The following MYO1B variants were observed in gnomAD, a reference collection of about 807,000 sequenced individuals.
MYO1B encodes myosin IB, also known as unconventional myosin-Ib.
A neutral mutation model predicts 159.7 loss-of-function variants in MYO1B; 72 were observed. That is an observed-to-expected ratio of 0.45 (90% CI 0.37 to 0.55). MYO1B has a LOEUF of 0.55. Among genes scored for constraint, MYO1B ranks in the 20% least tolerant of loss-of-function variants. MYO1B has a pLI of 0.00. For synonymous variants in MYO1B, 468 were observed against 473.8 expected, an observed-to-expected ratio of 0.99 and a Z score of 0.16; for missense variants, 1,062 against 1,364.8, an observed-to-expected ratio of 0.78 and a Z score of 3.50.
chr2:191,393,253 TA>T, intron 20 of MYO1B, 31 bp downstream of exon 20: 1 of 1,607,124 alleles, frequency 6.2e-7, no homozygotes, highest in Non-Finnish European at 8.5e-7. Flanking sequence ...AAATCAGTAA[TA>T]ACAATGCTAA....
intron 3 of MYO1B, among the ~76,000 whole-genome samples, chr2:191,322,763 A>T (rs1420344633): frequency 2.6e-5 from 4 of 152,140 alleles, no homozygotes; most frequent in Non-Finnish European, 5.9e-5. Flanking sequence ...TTGTCCAATT[A>T]TGTGGGTGTT....
chr2:191,271,999 G>A (rs1291500749), intron 1 of MYO1B, among the ~76,000 whole-genome samples: 2 of 152,144 alleles, frequency 1.3e-5, no homozygotes, highest in African/African-American at 4.8e-5. Flanking sequence ...GATGCTATAG[G>A]TTGTTTATGC....
At chr2:191,248,977 G>A (rs1685955806) in intron 1 of MYO1B, among the ~76,000 whole-genome samples, 1 of 152,190 alleles carries the variant, frequency 6.6e-6, no homozygotes, top group Non-Finnish European at 1.5e-5. Flanking sequence ...AGAGCTGTAT[G>A]TTATGGCCTG....
chr2:191,264,147 C>T (rs1686983547), intron 1 of MYO1B, among the ~76,000 whole-genome samples: 1 of 152,172 alleles, frequency 6.6e-6, no homozygotes, highest in Non-Finnish European at 1.5e-5. Flanking sequence ...AAATAACCCA[C>T]TGCAGCAGTT....
At chr2:191,288,922 C>T (rs1190424521) in intron 2 of MYO1B, among the ~76,000 whole-genome samples, 1 of 152,226 alleles carries the variant, frequency 6.6e-6, no homozygotes. Flanking sequence ...CTTGGAGATG[C>T]AGACGACTCC....
chr2:191,254,322 C>T (rs1051598363), intron 1 of MYO1B, among the ~76,000 whole-genome samples: 1 of 152,108 alleles, frequency 6.6e-6, no homozygotes, highest in Non-Finnish European at 1.5e-5. Context: ...AAGCAATTCT[C>T]CTGCCTCAGC....
At position 191,376,999 on chromosome 2, in the gene MYO1B, C is replaced by T. The variant is rs1012984940; in HGVS notation, c.1186-4463C>T. 2.6e-5 allele frequency among the ~76,000 whole-genome samples: 4 copies of T among 152,116 alleles called. No individual in the cohort carries two copies. In the South Asian group the frequency reaches 6.2e-4, roughly 24 times the overall value. ...TTGTGAGTATAAAGTAGTTATGAAT[C>T]GACTGGGAATAAGATTTTCTGGGCT... On this transcript the variant is annotated intron_variant, in intron 13 of 30. Transcript: ENST00000392318.
chr2:191,305,067 A>G (rs1277507294), intron 3 of MYO1B, among the ~76,000 whole-genome samples: 1 of 152,246 alleles, frequency 6.6e-6, no homozygotes, highest in African/African-American at 2.4e-5. Flanking sequence ...GAGAAGCAGC[A>G]CTGAGGCCTT....
At chr2:191,297,523 A>G (rs532056252) in intron 3 of MYO1B, among the ~76,000 whole-genome samples, 1 of 152,348 alleles carries the variant, frequency 6.6e-6, no homozygotes, top group African/African-American at 2.4e-5. Flanking sequence ...TTTTCGCAGT[A>G]GCATCATCCT....
intron 5 of MYO1B, 73 bp from the exon 6 acceptor site, chr2:191,346,163 C>T (rs1402340176): frequency 8.9e-7 from 1 of 1,118,642 alleles, no homozygotes; most frequent in Non-Finnish European, 1.3e-6. Flanking sequence ...ATTTCAAATA[C>T]TGTATTTGCT....
intron 2 of MYO1B, among the ~76,000 whole-genome samples, chr2:191,289,339 G>T (rs927791664): frequency 1.3e-5 from 2 of 152,182 alleles, no homozygotes; most frequent in Non-Finnish European, 2.9e-5. Flanking sequence ...ACAGATTCTT[G>T]TCTCCTTGTC....
chr2:191,273,574 A>G (rs1056001267), intron 1 of MYO1B, among the ~76,000 whole-genome samples: 4 of 152,170 alleles, frequency 2.6e-5, no homozygotes, highest in African/African-American at 9.7e-5. Context: ...TTGTCCTGGT[A>G]TTTGAAGCCA....
chr2:191,392,402 A>C lies in MYO1B; in HGVS notation c.2076+201A>C, dbSNP rs1014341777. ...GAAGAATGCGTATTTTTTATGAACC[A>C]TCAAAGTCTTTGCTCTGACAGATTG... On this transcript the variant is annotated intron_variant, in intron 19 of 30. Transcript: ENST00000392318. Among the ~76,000 whole-genome samples, 34 of 152,208 alleles carry C rather than the reference A, an allele frequency of 2.2e-4. 1 individual carries two copies. Among genetic ancestry groups the C allele is most frequent in the Non-Finnish European group, 4.3e-4 (29 of 68,038 alleles).
chr2:191,346,468 G>A (rs900097515), intron 6 of MYO1B, among the ~76,000 whole-genome samples, 186 bp downstream of exon 6: 1 of 151,972 alleles, frequency 6.6e-6, no homozygotes, highest in African/African-American at 2.4e-5. Context: ...ATTCTTTTTG[G>A]AGTAACAAGC....
intron 3 of MYO1B, among the ~76,000 whole-genome samples, chr2:191,297,432 T>A (rs1689050123): frequency 6.6e-6 from 1 of 152,218 alleles, no homozygotes; most frequent in African/African-American, 2.4e-5. Context: ...GGGCTGGGAA[T>A]AACGTATGCA....
At chr2:191,387,692 G>A (rs1228188399) in intron 17 of MYO1B, 2 of 545,140 alleles carry the variant, frequency 3.7e-6, no homozygotes, top group East Asian at 3.1e-5. Flanking sequence ...GAAACTCAGT[G>A]GTTGAGACCT....
At chr2:191,403,025 G>C (rs1207650888) in intron 24 of MYO1B, among the ~76,000 whole-genome samples, 1 of 152,088 alleles carries the variant, frequency 6.6e-6, no homozygotes, top group Non-Finnish European at 1.5e-5. Context: ...TTTAAAATCT[G>C]TGAGACACAG....
At chr2:191,256,918 ATTCCTTGTGAATCCCCCT>A (rs1396775589) in intron 1 of MYO1B, among the ~76,000 whole-genome samples, 3 of 150,262 alleles carry the variant, frequency 2.0e-5, no homozygotes, top group Non-Finnish European at 3.0e-5. Flanking sequence ...AGATGGGGCT[ATTCCTTGTGAATCCCCCT>A]TTTCTGTGAA....
At chr2:191,285,754 C>T (rs1420442408) in intron 2 of MYO1B, among the ~76,000 whole-genome samples, 9 of 152,062 alleles carry the variant, frequency 5.9e-5, no homozygotes, top group African/African-American at 2.2e-4. Context: ...AGGGGAGAAG[C>T]AGAGACATGG....
Sources: gnomAD v4.1 joint callset for allele counts (sites outside exome capture counted in the v4.1 genomes callset) on GRCh38, gnomAD v4.1.1 for gene constraint, MANE v1.5 for transcripts, NCBI Gene and HGNC (gene_info 2026-07-23, HGNC 2026-07-21) for gene names.